Variants in LRMDA observed in about 807,000 individuals in gnomAD.
LRMDA encodes leucine-rich melanocyte differentiation-associated protein.
In LRMDA, 18 loss-of-function variants were observed where a neutral mutation model predicts 29.8. The observed-to-expected ratio is 0.60, with a 90% CI of 0.42 to 0.90. The LOEUF is 0.90. LRMDA is among the 40% of genes least tolerant of loss of function. The pLI is 0.00. For synonymous variants in LRMDA, 125 were observed against 109.4 expected, an observed-to-expected ratio of 1.14 and a Z score of -0.89; for missense variants, 273 against 273.9, an observed-to-expected ratio of 1.00 and a Z score of 0.02.
rs145901983 is a variant in LRMDA at position 76,101,359 on chromosome 10, T to A, written c.516+42576T>A. On this transcript the variant is annotated intron_variant, in intron 5 of 6. Coordinates refer to ENST00000611255, the MANE Select transcript of LRMDA (RefSeq NM_001305581.2). ...TGGCTTTTTGTTGTTAGTTCTAAAT[T>A]TACATCTTTTGAACCAAAAGTTCTA... Among the ~76,000 whole-genome samples the A allele has an allele frequency of 5.1e-4, 78 of 152,342 alleles. No individual in the cohort carries two copies. The East Asian group carries it at 7.7e-3, about 15-fold the overall frequency.
rs142119162 is a variant in LRMDA, at chr10:76,420,109, CT to C, written c.601+95627del. 8.0e-3 allele frequency among the ~76,000 whole-genome samples: 1,220 copies of C among 151,836 alleles called. 13 individuals carry two copies. Among genetic ancestry groups the C allele is most frequent in the African/African-American group, 0.028 (1,160 of 41,470 alleles). On this transcript the variant is annotated intron_variant, in intron 6 of 6. Coordinates refer to ENST00000611255, the MANE Select transcript of LRMDA (RefSeq NM_001305581.2). ...GAGGAATTTTCTTGTTTTTTCTATT[CT>C]TTGGAAGAGTTCATTTAATATTGGT...
intron 2 of LRMDA, among the ~76,000 whole-genome samples, chr10:75,720,789 T>C (rs559289723): frequency 1.3e-5 from 2 of 152,192 alleles, no homozygotes; most frequent in South Asian, 2.1e-4. Context: ...CTTGGTCCAG[T>C]GTGTGTAGAC....
chr10:75,577,073 G>A (rs1840515751), intron 2 of LRMDA, among the ~76,000 whole-genome samples: 3 of 152,012 alleles, frequency 2.0e-5, no homozygotes, highest in Admixed American at 2.0e-4. Context: ...CAGAAGGTGG[G>A]TAATAATAAA....
intron 5 of LRMDA, among the ~76,000 whole-genome samples, chr10:76,157,117 G>A (rs1209066683): frequency 6.6e-6 from 1 of 152,158 alleles, no homozygotes; most frequent in African/African-American, 2.4e-5. Flanking sequence ...TGAAAGGGGA[G>A]TTAGTTGCTA....
At chr10:76,062,344 T>C (rs1279534095) in intron 5 of LRMDA, among the ~76,000 whole-genome samples, 1 of 152,126 alleles carries the variant, frequency 6.6e-6, no homozygotes, top group Non-Finnish European at 1.5e-5. Context: ...CAATCACAGC[T>C]CTTGCCTTGG....
chr10:75,963,692 G>A (rs554942400), intron 2 of LRMDA, among the ~76,000 whole-genome samples: 1 of 152,324 alleles, frequency 6.6e-6, no homozygotes, highest in Non-Finnish European at 1.5e-5. Context: ...GAGGTGGAAT[G>A]AGACCTGTTG....
Position 76,214,773 on chromosome 10 carries a change from G to C in LRMDA, c.517-109628G>C, listed in dbSNP as rs139658217. On this transcript the variant is annotated intron_variant, in intron 5 of 6. Transcript: ENST00000611255. ...TATCCTCATCTGAACTGAAATCTCTGAGGAAAACAAGAAAACAAGAAAGCA... is the reference window on the plus strand; with the variant it reads ...TATCCTCATCTGAACTGAAATCTCTCAGGAAAACAAGAAAACAAGAAAGCA... Among the ~76,000 whole-genome samples, 490 of 152,334 alleles carry C rather than the reference G, an allele frequency of 3.2e-3. 2 individuals carry two copies. The highest frequency in any genetic ancestry group is 0.011 in the African/African-American group (469 of 41,574).
At chr10:76,107,809 A>C (rs1849511769) in intron 5 of LRMDA, among the ~76,000 whole-genome samples, 1 of 152,114 alleles carries the variant, frequency 6.6e-6, no homozygotes, top group Non-Finnish European at 1.5e-5. Flanking sequence ...CAGAATGTGC[A>C]TGTTTGTTAC....
chr10:75,581,701 A>G (rs915869465), intron 2 of LRMDA, among the ~76,000 whole-genome samples: 2 of 110,198 alleles, frequency 1.8e-5, no homozygotes, highest in African/African-American at 5.2e-5. Context: ...ACCAAACACC[A>G]TATGTTCTCA....
At chr10:75,873,187 A>C (rs1022029468) in intron 2 of LRMDA, among the ~76,000 whole-genome samples, 1 of 152,206 alleles carries the variant, frequency 6.6e-6, no homozygotes, top group Non-Finnish European at 1.5e-5. Flanking sequence ...ATATTGGAAC[A>C]TAACTTCTAA....
chr10:75,621,620 G>A (rs1841187601), intron 2 of LRMDA, among the ~76,000 whole-genome samples: 1 of 152,186 alleles, frequency 6.6e-6, no homozygotes, highest in African/African-American at 2.4e-5. Context: ...TCCTGGTGGT[G>A]GAAACAGGTC....
chr10:75,969,931 A>T (rs1439827330), intron 2 of LRMDA, among the ~76,000 whole-genome samples: 15 of 152,220 alleles, frequency 9.9e-5, no homozygotes, highest in Admixed American at 9.8e-4. Context: ...TACTGTGTTT[A>T]TCAAGGGCTC....
At chr10:75,768,033 C>T (rs1245467714) in intron 2 of LRMDA, among the ~76,000 whole-genome samples, 2 of 152,208 alleles carry the variant, frequency 1.3e-5, no homozygotes, top group African/African-American at 2.4e-5. Context: ...GTCAGATTGT[C>T]CCCTACAGCC....
chr10:76,133,978 C>A (rs535340036), intron 5 of LRMDA, among the ~76,000 whole-genome samples: 1 of 152,292 alleles, frequency 6.6e-6, no homozygotes, highest in African/African-American at 2.4e-5. Context: ...TGCCACAGGC[C>A]CTGGCTTTGC....
intron 2 of LRMDA, among the ~76,000 whole-genome samples, chr10:75,592,255 G>T (rs747243803): frequency 3.9e-5 from 6 of 152,098 alleles, no homozygotes; most frequent in Non-Finnish European, 8.8e-5. Context: ...GCCTCTGCCC[G>T]TCCCCAGCAT....
At chr10:75,458,041 T>C (rs1046622097) in intron 2 of LRMDA, among the ~76,000 whole-genome samples, 5 of 152,202 alleles carry the variant, frequency 3.3e-5, no homozygotes, top group African/African-American at 1.2e-4. Flanking sequence ...GTATTGAGTA[T>C]TGAGTATTTG....
chr10:76,442,231 T>C (rs1165359493), intron 6 of LRMDA, among the ~76,000 whole-genome samples: 1 of 152,192 alleles, frequency 6.6e-6, no homozygotes, highest in Admixed American at 6.5e-5. Context: ...CAAAAATGTT[T>C]AGTAGAATGA....
chr10:76,248,567 G>A (rs1227173118), intron 5 of LRMDA, among the ~76,000 whole-genome samples: 1 of 152,134 alleles, frequency 6.6e-6, no homozygotes, highest in Non-Finnish European at 1.5e-5. Context: ...TGCTTATATT[G>A]CAGAGAAGTA....
intron 5 of LRMDA, among the ~76,000 whole-genome samples, chr10:76,204,396 G>A (rs1851497173): frequency 6.6e-6 from 1 of 151,122 alleles, no homozygotes; most frequent in African/African-American, 2.4e-5. Context: ...CCATATGCCT[G>A]TCCACTCATC....
Sources: gnomAD v4.1 joint callset for allele counts (sites outside exome capture counted in the v4.1 genomes callset) on GRCh38, gnomAD v4.1.1 for gene constraint, MANE v1.5 for transcripts, NCBI Gene and HGNC (gene_info 2026-07-23, HGNC 2026-07-21) for gene names.